LRCH3: variants seen among roughly 807,000 people sequenced by gnomAD.
LRCH3 encodes leucine rich repeats and calponin homology domain containing 3.
In LRCH3, 68 loss-of-function variants were observed where a neutral mutation model predicts 104.5. The ratio of observed to expected loss-of-function variants is 0.65; its 90% CI spans 0.54 to 0.80. The LOEUF is 0.80. LRCH3 is among the 30% of genes least tolerant of loss of function. The probability of loss-of-function intolerance (pLI) is 0.00; values close to 1 mark genes in which losing one functional copy is unlikely to be tolerated. For missense variants in LRCH3, 951 were observed against 953.9 expected, an observed-to-expected ratio of 1.00 and a Z score of 0.04; for synonymous variants, 344 against 361.3, an observed-to-expected ratio of 0.95 and a Z score of 0.54.
chr3:197,868,539 A>G (rs1452633958), intron 17 of LRCH3, among the ~76,000 whole-genome samples: 1 of 152,238 alleles, frequency 6.6e-6, no homozygotes, highest in Admixed American at 6.5e-5. Context: ...GTGTACCAAC[A>G]ACGTGTACAA....
intron 1 of LRCH3, among the ~76,000 whole-genome samples, chr3:197,814,702 G>A (rs1433480272): frequency 6.6e-6 from 1 of 152,172 alleles, no homozygotes; most frequent in African/African-American, 2.4e-5. Flanking sequence ...CCTTTAGGAA[G>A]GTGGATTTTA....
At chr3:197,820,178 G>C in intron 3 of LRCH3, 147 bp from the exon 4 acceptor site, 1 of 635,160 alleles carries the variant, frequency 1.6e-6, no homozygotes, top group Non-Finnish European at 2.8e-6. Context: ...CTTCGAACCT[G>C]TAGGTAGTCT....
intron 3 of LRCH3, 58 bp downstream of exon 3, chr3:197,817,360 G>GTGTGTGTGTGTATATATATATATA: frequency 8.9e-5 from 8 of 90,002 alleles, no homozygotes; most frequent in African/African-American, 4.3e-4. Context: ...GTGTGTGTGT[G>GTGTGTGTGTGTATATATATATATA]TATATATATA....
Position 197,817,277 on chromosome 3 carries a change from G to A in LRCH3, c.509G>A (p.Gly170Glu), listed in dbSNP as rs757635482. ...TTGGTGTCACTTCCAGAAGAAATTGGACACCTTAGACATTTGATGGAACTT... is the reference window on the plus strand; with the variant it reads ...TTGGTGTCACTTCCAGAAGAAATTGAACACCTTAGACATTTGATGGAACTT... ...NKLVSLPEEI[G>E]HLRHLMELDV... The change falls in exon 3 of 21, where the codon GGA becomes GAA. Residue 170 changes from glycine (G) to glutamate (E), a missense_variant. Gly to Glu is a moderately conservative substitution (Grantham distance 98). Coordinates refer to ENST00000425562, the MANE Select transcript of LRCH3 (RefSeq NM_001365715.1). 4.8e-5 allele frequency: 77 copies of A among 1,606,118 alleles called. No homozygotes were observed. Among genetic ancestry groups the A allele is most frequent in the Non-Finnish European group, 6.5e-5 (77 of 1,177,278 alleles).
chr3:197,811,203 T>C (rs768139594), intron 1 of LRCH3, among the ~76,000 whole-genome samples: 5 of 152,188 alleles, frequency 3.3e-5, no homozygotes, highest in Admixed American at 2.0e-4. Context: ...CATTGTGATA[T>C]GTTACATAGC....
At chr3:197,863,859 A>G (rs1741156222) in intron 15 of LRCH3, among the ~76,000 whole-genome samples, 2 of 152,240 alleles carry the variant, frequency 1.3e-5, no homozygotes, top group South Asian at 4.1e-4. Context: ...TCCAGAGAAA[A>G]AAGTACTTTA....
chr3:197,865,674 A>T (rs888627092), intron 16 of LRCH3, among the ~76,000 whole-genome samples: 7 of 152,022 alleles, frequency 4.6e-5, no homozygotes, highest in Non-Finnish European at 1.0e-4. Flanking sequence ...CTAAGATTAT[A>T]ATTTTTTACC....
intron 1 of LRCH3, among the ~76,000 whole-genome samples, chr3:197,803,923 T>C (rs954796338): frequency 1.8e-4 from 28 of 152,082 alleles, no homozygotes; most frequent in Non-Finnish European, 3.8e-4. Context: ...CCATATGATA[T>C]GGGGCGACCA....
Position 197,812,503 on chromosome 3 carries a change from A to AGTTTT in LRCH3, c.263-2404_263-2400dup, listed in dbSNP as rs1733247433. On this transcript the variant is annotated intron_variant, in intron 1 of 20. Coordinates refer to ENST00000425562, the MANE Select transcript of LRCH3 (RefSeq NM_001365715.1). Reference sequence around the variant, plus strand: ...AATATCTGTTCAAGTCTCTGCTTTCAGTTTTTTTTTTTTTTTTTTTTTTTT... The same window carrying AGTTTT: ...AATATCTGTTCAAGTCTCTGCTTTCAGTTTTGTTTTTTTTTTTTTTTTTTTTTTTT... 2.3e-4 allele frequency among the ~76,000 whole-genome samples: 2 copies of AGTTTT among 8,584 alleles called. 1 individual carries two copies. Among genetic ancestry groups the AGTTTT allele is most frequent in the African/African-American group, 7.4e-4 (2 of 2,702 alleles). 5.6% of individuals were successfully genotyped at this position (8,584 alleles called of 152,430 possible).
intron 19 of LRCH3, among the ~76,000 whole-genome samples, chr3:197,871,797 C>T (rs569165777): frequency 6.6e-6 from 1 of 152,240 alleles, no homozygotes; most frequent in Admixed American, 6.5e-5. Flanking sequence ...TCCAGCAGTA[C>T]AGAGAGGGGA....
At chr3:197,865,559 C>G (rs1741386961) in intron 16 of LRCH3, 88 bp downstream of exon 16, 1 of 870,254 alleles carries the variant, frequency 1.1e-6, no homozygotes. Flanking sequence ...AGAGACGAGG[C>G]CTTTCTGTGT....
chr3:197,879,248 T>C (rs1200151256), intron 20 of LRCH3, among the ~76,000 whole-genome samples: 1 of 152,246 alleles, frequency 6.6e-6, no homozygotes, highest in East Asian at 1.9e-4. Flanking sequence ...TGTATTTATT[T>C]AATGAATTTT....
rs543140108 is a variant in LRCH3, at chr3:197,882,752, C to T, written c.2209-789C>T. ...ATTAACGATGCACACATTAAGGAAG[C>T]GTTTAACTTCCTCAAGCAAACAGTG... On this transcript the variant is annotated intron_variant, in intron 20 of 20. Transcript: ENST00000425562. The T allele has an allele frequency of 1.8e-5, 18 of 985,292 alleles. 1 individual carries two copies. The Admixed American group carries it at 7.4e-4, about 40-fold the overall frequency. The allele number at this position is 985,292 out of a possible 1,614,324, so 61.0% of individuals were successfully genotyped here.
chr3:197,829,767 G>A, intron 6 of LRCH3, 94 bp downstream of exon 6: 1 of 812,650 alleles, frequency 1.2e-6, no homozygotes, highest in Non-Finnish European at 1.9e-6. Flanking sequence ...TGACTAAAGG[G>A]AAATAACCTG....
intron 11 of LRCH3, 25 bp from the exon 12 acceptor site, chr3:197,847,847 A>G (rs1373234125): frequency 6.2e-7 from 1 of 1,609,542 alleles, no homozygotes; most frequent in East Asian, 2.2e-5. Context: ...TTACTTTTGT[A>G]TGCACAATAA....
chr3:197,863,906 T>C (rs533717756), intron 15 of LRCH3, among the ~76,000 whole-genome samples: 2 of 152,332 alleles, frequency 1.3e-5, no homozygotes, highest in Non-Finnish European at 2.9e-5. Flanking sequence ...GAAAATAAAA[T>C]GTTGCTTTTT....
chr3:197,793,632 C>T (rs1193941091), intron 1 of LRCH3, among the ~76,000 whole-genome samples: 1 of 152,160 alleles, frequency 6.6e-6, no homozygotes, highest in African/African-American at 2.4e-5. Flanking sequence ...AATCCAAGTG[C>T]ATTTATGAAG....
chr3:197,865,535 AAATAAT>A (rs1325188220), intron 16 of LRCH3, 64 bp downstream of exon 16: 1 of 1,046,028 alleles, frequency 9.6e-7, no homozygotes, highest in African/African-American at 1.7e-5. Context: ...TTTATTTAAA[AAATAAT>A]AATAAATAGA....
intron 15 of LRCH3, among the ~76,000 whole-genome samples, chr3:197,861,875 C>T (rs1398051444): frequency 1.3e-5 from 2 of 152,138 alleles, no homozygotes; most frequent in East Asian, 3.8e-4. Flanking sequence ...TCCTAGAATG[C>T]AAGTCACTTA....
Sources: allele counts gnomAD v4.1 joint callset (sites outside exome capture counted in the v4.1 genomes callset), GRCh38; gene constraint gnomAD v4.1.1; transcripts MANE v1.5; gene names NCBI Gene and HGNC (gene_info 2026-07-23, HGNC 2026-07-21).